Variants in PABPC4L observed in about 807,000 individuals in gnomAD.
PABPC4L encodes poly(A) binding protein cytoplasmic 4 like.
For missense variants in PABPC4L, 452 were observed against 451.4 expected, an observed-to-expected ratio of 1.00 and a Z score of -0.01; for synonymous variants, 169 against 164.1, an observed-to-expected ratio of 1.03 and a Z score of -0.23.
chr4:134,137,479 T>A, the PABPC4L span, among the ~76,000 whole-genome samples: 1 of 151,908 alleles, frequency 6.6e-6, no homozygotes, highest in African/African-American at 2.4e-5. Context: ...CTTATTTCAC[T>A]GGATTTCAGG....
chr4:134,120,401 A>G, the PABPC4L span, among the ~76,000 whole-genome samples: 3 of 149,434 alleles, frequency 2.0e-5, no homozygotes. Context: ...TTCCAAAAAT[A>G]TTATTGCTAA....
chr4:134,164,984 A>G, the PABPC4L span, among the ~76,000 whole-genome samples: 1 of 152,184 alleles, frequency 6.6e-6, no homozygotes, highest in Non-Finnish European at 1.5e-5. Flanking sequence ...CCAAATACTT[A>G]TAACCAACTG....
the PABPC4L span, among the ~76,000 whole-genome samples, chr4:133,965,802 C>T: frequency 2.6e-5 from 4 of 152,082 alleles, no homozygotes; most frequent in Non-Finnish European, 5.9e-5. Flanking sequence ...TCATCTCTCA[C>T]CTTAAACAAA....
chr4:134,070,604 G>A, the PABPC4L span, among the ~76,000 whole-genome samples: 3 of 152,098 alleles, frequency 2.0e-5, no homozygotes, highest in African/African-American at 4.8e-5. Flanking sequence ...AGGAGGGGAG[G>A]TGTGGTCTGC....
the PABPC4L span, among the ~76,000 whole-genome samples, chr4:134,000,843 C>A: frequency 6.6e-6 from 1 of 152,128 alleles, no homozygotes; most frequent in Non-Finnish European, 1.5e-5. Context: ...TGGACTGGAA[C>A]ATACACCATC....
At chr4:134,117,207 A>G in the PABPC4L span, among the ~76,000 whole-genome samples, 55 of 151,864 alleles carry the variant, frequency 3.6e-4, no homozygotes, top group Middle Eastern at 0.014. Context: ...GAGGGGTCCT[A>G]TGTTCTCCCT....
chr4:134,150,045 C>A, the PABPC4L span, among the ~76,000 whole-genome samples: 1 of 150,350 alleles, frequency 6.7e-6, no homozygotes, highest in Non-Finnish European at 1.5e-5. Flanking sequence ...GTTTTCTGTT[C>A]TTTTATTCTT....
chr4:133,978,104 T>C, the PABPC4L span: 2 of 152,208 alleles, frequency 1.3e-5, no homozygotes, highest in Admixed American at 6.5e-5. Context: ...ATGACATCAT[T>C]GATCTACTCT....
chr4:134,010,231 C>G, the PABPC4L span, among the ~76,000 whole-genome samples: 2 of 151,854 alleles, frequency 1.3e-5, no homozygotes, highest in African/African-American at 4.8e-5. Context: ...TAATTTGCAA[C>G]CTGCTTTACA....
chr4:134,085,075 C>T, the PABPC4L span, among the ~76,000 whole-genome samples: 19 of 151,972 alleles, frequency 1.3e-4, no homozygotes, highest in East Asian at 2.1e-3. Flanking sequence ...AGGCTCCACC[C>T]GCTCCTCCTA....
At chr4:133,958,726 A>G in the PABPC4L span, among the ~76,000 whole-genome samples, 1 of 152,356 alleles carries the variant, frequency 6.6e-6, no homozygotes, top group African/African-American at 2.4e-5. Context: ...CAAATGGGAA[A>G]AAGCCCCTTA....
At chr4:133,971,057 G>C in the PABPC4L span, among the ~76,000 whole-genome samples, 1 of 149,500 alleles carries the variant, frequency 6.7e-6, no homozygotes, top group African/African-American at 2.5e-5. Flanking sequence ...ATCATGTTCA[G>C]TGTATATCTA....
the PABPC4L span, among the ~76,000 whole-genome samples, chr4:134,157,047 T>A: frequency 6.6e-6 from 1 of 151,872 alleles, no homozygotes; most frequent in Non-Finnish European, 1.5e-5. Flanking sequence ...GGTGCATATA[T>A]TTAATGCTGT....
chr4:134,106,676 G>A, the PABPC4L span, among the ~76,000 whole-genome samples: 3 of 151,514 alleles, frequency 2.0e-5, no homozygotes, highest in Admixed American at 2.0e-4. Context: ...GGAACTTAGC[G>A]AAGACTAAGG....
At chr4:134,083,179 T>C in the PABPC4L span, among the ~76,000 whole-genome samples, 36 of 152,328 alleles carry the variant, frequency 2.4e-4, no homozygotes, top group South Asian at 1.2e-3. Flanking sequence ...TGCCTTTCTG[T>C]AATATACATT....
the PABPC4L span, among the ~76,000 whole-genome samples, chr4:134,119,790 AT>A: frequency 1.3e-5 from 2 of 151,648 alleles, no homozygotes; most frequent in Admixed American, 1.3e-4. Flanking sequence ...TACTCTTTAT[AT>A]TTTTAAGAAA....
At chr4:134,123,668 G>C in the PABPC4L span, among the ~76,000 whole-genome samples, 4 of 152,088 alleles carry the variant, frequency 2.6e-5, no homozygotes, top group African/African-American at 9.7e-5. Context: ...TACAGAGCGA[G>C]AGAGAGAAAT....
At chr4:133,989,899 A>C in the PABPC4L span, among the ~76,000 whole-genome samples, 1 of 152,166 alleles carries the variant, frequency 6.6e-6, no homozygotes, top group Non-Finnish European at 1.5e-5. Flanking sequence ...CAGGAGAAGC[A>C]AACACTTCCT....
the PABPC4L span, among the ~76,000 whole-genome samples, chr4:133,951,444 C>T: frequency 8.1e-4 from 123 of 152,176 alleles, no homozygotes; most frequent in Middle Eastern, 3.4e-3. Flanking sequence ...TAACCTGATG[C>T]GGGGTGCTCA....
Sources: gnomAD v4.1 joint callset for allele counts (sites outside exome capture counted in the v4.1 genomes callset) on GRCh38, gnomAD v4.1.1 for gene constraint, MANE v1.5 for transcripts, NCBI Gene and HGNC (gene_info 2026-07-23, HGNC 2026-07-21) for gene names.